The following SPON1 variants were observed in gnomAD, a reference collection of about 807,000 sequenced individuals.
SPON1 encodes spondin 1, also known as spondin-1.
A neutral mutation model predicts 111.7 loss-of-function variants in SPON1; 52 were observed. The observed-to-expected ratio is 0.47, with a 90% CI of 0.37 to 0.59. The LOEUF (loss-of-function observed/expected upper bound fraction) is 0.59, where lower values mean the gene tolerates loss of function less well. SPON1 is among the 20% of genes least tolerant of loss of function. SPON1 has a pLI of 0.00. For missense variants in SPON1, 957 were observed against 1,068.5 expected (o/e 0.90, Z 1.46); for synonymous variants, 410 against 395.8 (o/e 1.04, Z -0.43).
chr11:13,968,290 G>A (rs1652256953), intron 1 of SPON1, among the ~76,000 whole-genome samples: 1 of 152,188 alleles, frequency 6.6e-6, no homozygotes, highest in Non-Finnish European at 1.5e-5. Flanking sequence ...AGCATGATGG[G>A]AGGCTTTGCT....
intron 3 of SPON1, among the ~76,000 whole-genome samples, chr11:14,056,241 T>A (rs1358353126): frequency 2.0e-5 from 3 of 152,184 alleles, no homozygotes; most frequent in Admixed American, 1.3e-4. Flanking sequence ...GTAAAATTCT[T>A]AGAACACTTC....
intron 2 of SPON1, among the ~76,000 whole-genome samples, chr11:14,013,397 T>G (rs1407711321): frequency 2.0e-5 from 3 of 152,206 alleles, no homozygotes; most frequent in African/African-American, 7.2e-5. Context: ...AGTAAAGAAT[T>G]ATAGTCATTT....
At chr11:14,011,821 C>A (rs572755019) in intron 2 of SPON1, among the ~76,000 whole-genome samples, 39 of 152,122 alleles carry the variant, frequency 2.6e-4, no homozygotes, top group African/African-American at 9.4e-4. Flanking sequence ...TGAGAGGGAA[C>A]CCTAAAGAAC....
intron 6 of SPON1, among the ~76,000 whole-genome samples, chr11:14,160,955 A>ATT (rs1847937653): frequency 4.3e-5 from 2 of 46,788 alleles, no homozygotes; most frequent in African/African-American, 1.7e-4. Flanking sequence ...TTATATATTT[A>ATT]TATATATTTA....
intron 2 of SPON1, among the ~76,000 whole-genome samples, chr11:14,025,279 G>A (rs60339254): frequency 0.011 from 1,704 of 152,212 alleles, 25 homozygotes; most frequent in African/African-American, 0.039. Flanking sequence ...TTCATGAATC[G>A]ATTTCCTCTT....
chr11:14,226,817 G>A (rs1241359431), intron 6 of SPON1, among the ~76,000 whole-genome samples: 1 of 152,196 alleles, frequency 6.6e-6, no homozygotes, highest in Non-Finnish European at 1.5e-5. Flanking sequence ...TTACAGGGCT[G>A]AAGTCAAGAT....
At chr11:14,140,990 G>A (rs896716429) in intron 6 of SPON1, among the ~76,000 whole-genome samples, 11 of 149,546 alleles carry the variant, frequency 7.4e-5, no homozygotes, top group Admixed American at 1.3e-4. Context: ...AAACAGGGCA[G>A]CCCTTTAAAA....
chr11:14,032,148 G>A (rs1848563785), intron 2 of SPON1, among the ~76,000 whole-genome samples: 1 of 152,188 alleles, frequency 6.6e-6, no homozygotes, highest in African/African-American at 2.4e-5. Context: ...ATATGTTCGT[G>A]ATATGGTGTG....
chr11:14,255,797 T>C lies in SPON1; in HGVS notation c.1233+10T>C, dbSNP rs1554941158. On this transcript the variant is annotated intron_variant, in intron 9 of 15. Transcript: ENST00000576479. ...GAGAATCGCACGGAAGGTACTGGGT[T>C]AGAACCCACTCTGGCATCGACCTTT... is the stretch of plus-strand genomic sequence containing the variant. 1 of 1,612,462 alleles carries C rather than the reference T, an allele frequency of 6.2e-7. No homozygotes were observed. The highest frequency in any genetic ancestry group is 1.1e-5 in the South Asian group (1 of 90,904).
At chr11:14,177,185 C>T (rs1379525354) in intron 6 of SPON1, among the ~76,000 whole-genome samples, 1 of 152,130 alleles carries the variant, frequency 6.6e-6, no homozygotes, top group Non-Finnish European at 1.5e-5. Flanking sequence ...GGACTACAGG[C>T]GCCCACCACC....
At chr11:14,264,973 AAC>A (rs1235705666) in intron 15 of SPON1, among the ~76,000 whole-genome samples, 2 of 152,200 alleles carry the variant, frequency 1.3e-5, no homozygotes, top group East Asian at 1.9e-4. Context: ...GCCATCCCAA[AAC>A]AGTCTTTTTA....
intron 5 of SPON1, among the ~76,000 whole-genome samples, chr11:14,113,568 A>ATTTTTTTTTTATT (rs1849242115): frequency 1.3e-5 from 1 of 74,762 alleles, no homozygotes; most frequent in Non-Finnish European, 2.6e-5. Context: ...TACTTTTTAA[A>ATTTTTTTTTTATT]TTTTTTTTTT....
chr11:14,131,094 C>T (rs564493698), intron 5 of SPON1, among the ~76,000 whole-genome samples: 8 of 152,146 alleles, frequency 5.3e-5, no homozygotes, highest in Non-Finnish European at 8.8e-5. Context: ...TTACCACCAT[C>T]GGCACTCAGC....
chr11:13,990,271 G>A (rs147184449), intron 2 of SPON1, among the ~76,000 whole-genome samples: 6,929 of 150,494 alleles, frequency 0.046, 224 homozygotes, highest in Non-Finnish European at 0.068. Context: ...AGCTCTTCTT[G>A]CTGCATTGAT....
chr11:14,231,633 A>G (rs1848804204), intron 6 of SPON1, among the ~76,000 whole-genome samples: 1 of 152,110 alleles, frequency 6.6e-6, no homozygotes, highest in African/African-American at 2.4e-5. Context: ...ATATACACAC[A>G]CAATTTTCTT....
At chr11:14,012,117 T>C (rs541343271) in intron 2 of SPON1, among the ~76,000 whole-genome samples, 19 of 152,294 alleles carry the variant, frequency 1.2e-4, no homozygotes, top group African/African-American at 4.3e-4. Context: ...ATGTAGGTCA[T>C]AGGAGGGAGT....
intron 5 of SPON1, among the ~76,000 whole-genome samples, chr11:14,082,703 T>G (rs1848972228): frequency 6.6e-6 from 1 of 152,158 alleles, no homozygotes; most frequent in South Asian, 2.1e-4. Flanking sequence ...ATGGGGAGGA[T>G]CTAATCGGGA....
chr11:13,988,514 C>T (rs1035895003), intron 2 of SPON1, among the ~76,000 whole-genome samples: 1 of 152,188 alleles, frequency 6.6e-6, no homozygotes, highest in Non-Finnish European at 1.5e-5. Context: ...TTGACTTCCT[C>T]TCTTCCTATT....
chr11:14,172,917 C>T (rs1335892207), intron 6 of SPON1, among the ~76,000 whole-genome samples: 12 of 151,890 alleles, frequency 7.9e-5, no homozygotes, highest in African/African-American at 2.9e-4. Flanking sequence ...TCTCTGGCTG[C>T]CCTTAACATT....
Sources: gnomAD v4.1 joint callset for allele counts (sites outside exome capture counted in the v4.1 genomes callset) on GRCh38, gnomAD v4.1.1 for gene constraint, MANE v1.5 for transcripts, NCBI Gene and HGNC (gene_info 2026-07-23, HGNC 2026-07-21) for gene names.